The following WDR72 variants were observed in gnomAD, a reference collection of about 807,000 sequenced individuals.
WDR72 encodes the protein WD repeat-containing protein 72.
A neutral mutation model predicts 124.2 loss-of-function variants in WDR72; 120 were observed. The observed-to-expected ratio is 0.97, with a 90% CI of 0.83 to 1.12. The LOEUF is 1.12. Among genes scored for constraint, WDR72 ranks in the 50% most tolerant of loss-of-function variants. The pLI is 0.00. For synonymous variants in WDR72, 452 were observed against 441.7 expected (o/e 1.02, Z -0.29); for missense variants, 1,387 against 1,278.8 (o/e 1.08, Z -1.29).
chr15:53,546,899 C>G (rs184809312), intron 18 of WDR72, among the ~76,000 whole-genome samples: 69 of 152,130 alleles, frequency 4.5e-4, no homozygotes, highest in African/African-American at 1.5e-3. Context: ...CTAGATTAAA[C>G]AAGTAATTCT....
At chr15:53,581,838 TACTTG>T (rs2011945599) in intron 18 of WDR72, among the ~76,000 whole-genome samples, 1 of 152,086 alleles carries the variant, frequency 6.6e-6, no homozygotes, top group Non-Finnish European at 1.5e-5. Context: ...CATAAAGATT[TACTTG>T]ACTTTTTCCA....
At chr15:53,714,309 A>C (rs1218569722) in intron 6 of WDR72, 125 bp downstream of exon 6, 1 of 806,542 alleles carries the variant, frequency 1.2e-6, no homozygotes, top group South Asian at 1.5e-5. Context: ...ATATGGAAGT[A>C]GAATTTATAC....
chr15:53,658,606 T>C (rs1023874528), intron 14 of WDR72, among the ~76,000 whole-genome samples: 10 of 151,756 alleles, frequency 6.6e-5, no homozygotes, highest in Non-Finnish European at 8.8e-5. Context: ...ATAAGGAAAA[T>C]CAAAAAGAAG....
intron 18 of WDR72, among the ~76,000 whole-genome samples, chr15:53,574,147 T>A: frequency 6.6e-6 from 1 of 152,318 alleles, no homozygotes; most frequent in East Asian, 1.9e-4. Flanking sequence ...TATTACAATA[T>A]AATCCTTCCA....
chr15:53,615,295 C>T, intron 15 of WDR72, 131 bp downstream of exon 15: 1 of 674,846 alleles, frequency 1.5e-6, no homozygotes. Flanking sequence ...GTTTTTTAAA[C>T]CAGAAATTGT....
intron 2 of WDR72, among the ~76,000 whole-genome samples, chr15:53,726,246 A>G (rs11634326): frequency 6.0e-4 from 60 of 100,452 alleles, no homozygotes; most frequent in African/African-American, 2.0e-3. Flanking sequence ...GTATGTGTGT[A>G]TATATATATG....
At chr15:53,744,748 A>G (rs1049918921) in intron 1 of WDR72, among the ~76,000 whole-genome samples, 3 of 152,234 alleles carry the variant, frequency 2.0e-5, no homozygotes, top group African/African-American at 7.2e-5. Flanking sequence ...TGACCTGGAT[A>G]CTGAAGCAAG....
intron 12 of WDR72, among the ~76,000 whole-genome samples, chr15:53,700,748 G>A (rs564209059): frequency 6.6e-6 from 1 of 152,100 alleles, no homozygotes; most frequent in African/African-American, 2.4e-5. Context: ...TCTTTATTAA[G>A]TGCACTCCAG....
intron 18 of WDR72, among the ~76,000 whole-genome samples, chr15:53,592,584 T>C (rs1026566357): frequency 1.3e-5 from 2 of 152,138 alleles, no homozygotes; most frequent in Admixed American, 1.3e-4. Context: ...TTGAAGATGA[T>C]GCATGCAATA....
At position 53,514,580 on chromosome 15, in the gene WDR72, GAATATT is replaced by G. The variant is rs1891333208; in HGVS notation, c.*3113_*3118del. ...CACCAAATGCTATCATCTAAAGATA[GAATATT>G]AATATTTAACAAACTGTATTCTACC... On this transcript the variant is annotated 3_prime_UTR_variant, in exon 20 of 20. Transcript: ENST00000360509. 2.0e-5 allele frequency: 3 copies of G among 152,190 alleles called. No individual in the cohort carries two copies. The highest frequency in any genetic ancestry group is 7.2e-5 in the African/African-American group (3 of 41,540). 9.4% of individuals were successfully genotyped at this position (152,190 alleles called of 1,614,324 possible). A position where few individuals can be genotyped will look rare whatever the true frequency, so the allele number is the denominator to read the frequency against.
chr15:53,534,128 T>C (rs181500081), intron 18 of WDR72, among the ~76,000 whole-genome samples: 1 of 152,258 alleles, frequency 6.6e-6, no homozygotes, highest in East Asian at 1.9e-4. Flanking sequence ...AGTGTGTCAG[T>C]TTCTGTCATC....
rs1319721877 is a variant in WDR72 at position 53,615,409 on chromosome 15, C to T, written c.2780+17G>A. On this transcript the variant is annotated intron_variant, in intron 15 of 19. Coordinates refer to ENST00000360509, the MANE Select transcript of WDR72 (RefSeq NM_182758.4). ...TGTCATAATCTAGTATAGTCAAAAT[C>T]TCTAGGTATGTCTTACCTGCCAACT... The T allele has an allele frequency of 6.3e-7, 1 of 1,575,844 alleles. No homozygotes were observed. Among genetic ancestry groups the T allele is most frequent in the Admixed American group, 1.7e-5 (1 of 59,294 alleles).
intron 13 of WDR72, chr15:53,684,078 G>T (rs1031776397): frequency 6.6e-6 from 1 of 152,028 alleles, no homozygotes; most frequent in Non-Finnish European, 1.5e-5. Flanking sequence ...ATGAAAATAA[G>T]TATGAGCATA....
intron 15 of WDR72, among the ~76,000 whole-genome samples, chr15:53,614,842 T>A (rs2013689406): frequency 6.6e-6 from 1 of 151,992 alleles, no homozygotes; most frequent in Non-Finnish European, 1.5e-5. Context: ...GCTAGTGTAA[T>A]CTCAACACTC....
At chr15:53,608,245 C>T (rs990264865) in intron 17 of WDR72, among the ~76,000 whole-genome samples, 12 of 152,096 alleles carry the variant, frequency 7.9e-5, no homozygotes, top group Non-Finnish European at 1.5e-4. Flanking sequence ...GATTTGGAAG[C>T]AACCTAAGTA....
Position 53,640,068 on chromosome 15 carries a change from A to C in WDR72, c.1963-23825T>G, listed in dbSNP as rs576933814. Among the ~76,000 whole-genome samples the C allele has an allele frequency of 4.6e-5, 7 of 152,306 alleles. No homozygotes were observed. In the South Asian group the frequency reaches 1.4e-3, roughly 32 times the overall value. ...TTCCAGGTCTTTTAAAAAATAATAA[A>C]AACTAGCACACTTTTAAAAATTAAG... On this transcript the variant is annotated intron_variant, in intron 14 of 19. Transcript: ENST00000360509.
intron 14 of WDR72, among the ~76,000 whole-genome samples, chr15:53,616,633 A>C (rs1172843036): frequency 6.6e-6 from 1 of 151,988 alleles, no homozygotes; most frequent in African/African-American, 2.4e-5. Context: ...GCAAAAATTT[A>C]TTAAGTATTT....
At chr15:53,699,397 G>A (rs982274474) in intron 13 of WDR72, among the ~76,000 whole-genome samples, 8 of 152,146 alleles carry the variant, frequency 5.3e-5, no homozygotes, top group African/African-American at 1.7e-4. Context: ...CTGAGATGGT[G>A]AGCATGCTGA....
intron 14 of WDR72, among the ~76,000 whole-genome samples, chr15:53,658,880 CAGAAG>C (rs1367692048): frequency 6.6e-6 from 1 of 152,094 alleles, no homozygotes; most frequent in African/African-American, 2.4e-5. Flanking sequence ...TATAAATCTA[CAGAAG>C]AGAAAAGAAC....
Sources: allele counts gnomAD v4.1 joint callset (sites outside exome capture counted in the v4.1 genomes callset), GRCh38; gene constraint gnomAD v4.1.1; transcripts MANE v1.5; gene names NCBI Gene and HGNC (gene_info 2026-07-23, HGNC 2026-07-21).